CTTNBP2: variants seen among roughly 807,000 people sequenced by gnomAD.
CTTNBP2 encodes cortactin-binding protein 2.
CTTNBP2 carries 108 observed loss-of-function variants against 156.9 expected under a neutral mutation model. The ratio of observed to expected loss-of-function variants is 0.69; its 90% CI spans 0.59 to 0.81. The LOEUF is 0.81. CTTNBP2 is among the 30% of genes least tolerant of loss of function. The pLI, the probability that CTTNBP2 is intolerant of heterozygous loss-of-function variation, is 0.00. For synonymous variants in CTTNBP2, 767 were observed against 751.8 expected, an observed-to-expected ratio of 1.02 and a Z score of -0.33; for missense variants, 1,924 against 2,035.4, an observed-to-expected ratio of 0.95 and a Z score of 1.05.
At chr7:117,801,739 G>A (rs1378784551) in intron 3 of CTTNBP2, among the ~76,000 whole-genome samples, 1 of 152,060 alleles carries the variant, frequency 6.6e-6, no homozygotes, top group Non-Finnish European at 1.5e-5. Context: ...GTGCGCTCAC[G>A]CATGTATGTG....
rs984496172 is a variant in CTTNBP2 at position 117,711,430 on chromosome 7, T to C, written c.*107A>G. 4 of 1,273,518 alleles carry C rather than the reference T, an allele frequency of 3.1e-6. No homozygotes were observed. The highest frequency in any genetic ancestry group is 4.3e-6 in the Non-Finnish European group (4 of 923,996). The allele number at this position is 1,273,518 out of a possible 1,614,324, so 78.9% of individuals were successfully genotyped here. ...GAATAGTGGTCCCGCACTCATAATT[T>C]ATATTACAGTGAAAACATTTTATCA... On this transcript the variant is annotated 3_prime_UTR_variant, in exon 23 of 23. Coordinates refer to ENST00000160373, the MANE Select transcript of CTTNBP2 (RefSeq NM_033427.3).
At chr7:117,824,386 T>C (rs1383841776) in intron 2 of CTTNBP2, among the ~76,000 whole-genome samples, 1 of 152,232 alleles carries the variant, frequency 6.6e-6, no homozygotes, top group African/African-American at 2.4e-5. Context: ...ATCTCCATTC[T>C]GTATCTTGCA....
intron 14 of CTTNBP2, among the ~76,000 whole-genome samples, chr7:117,739,210 T>C (rs1795864027): frequency 6.6e-6 from 1 of 152,206 alleles, no homozygotes; most frequent in African/African-American, 2.4e-5. Context: ...GTTCAGGTTA[T>C]TCTGCGTAGT....
chr7:117,745,136 T>C (rs1472614966), intron 14 of CTTNBP2, among the ~76,000 whole-genome samples: 1 of 152,214 alleles, frequency 6.6e-6, no homozygotes, highest in Non-Finnish European at 1.5e-5. Context: ...CGTGGGGTAT[T>C]AGACCCTGGA....
At chr7:117,852,219 C>T (rs1423383931) in intron 2 of CTTNBP2, among the ~76,000 whole-genome samples, 5 of 151,350 alleles carry the variant, frequency 3.3e-5, no homozygotes, top group African/African-American at 9.7e-5. Context: ...ATCCATACAA[C>T]AGCCTTTCAT....
chr7:117,843,588 A>G (rs1355667225), intron 2 of CTTNBP2, among the ~76,000 whole-genome samples: 4 of 152,224 alleles, frequency 2.6e-5, no homozygotes, highest in African/African-American at 9.6e-5. Context: ...GAAGCAATTC[A>G]GAAACATAAG....
rs575905318 is a variant in CTTNBP2 at position 117,870,159 on chromosome 7, A to G, written c.81+3176T>C. 2.0e-5 allele frequency among the ~76,000 whole-genome samples: 3 copies of G among 152,246 alleles called. No homozygotes were observed. In the East Asian group the frequency reaches 5.8e-4, roughly 29 times the overall value. Reference sequence around the variant, plus strand: ...TGCCTCTCATGACACCATCATCCCCAATTTGATTCCTTGGCGTATGTCAGT... The same window carrying G: ...TGCCTCTCATGACACCATCATCCCCGATTTGATTCCTTGGCGTATGTCAGT... On this transcript the variant is annotated intron_variant, in intron 1 of 22. Coordinates refer to ENST00000160373, the MANE Select transcript of CTTNBP2 (RefSeq NM_033427.3).
intron 18 of CTTNBP2, 50 bp from the exon 19 acceptor site, chr7:117,724,782 G>T: frequency 6.3e-7 from 1 of 1,576,160 alleles, no homozygotes; most frequent in Non-Finnish European, 8.7e-7. Context: ...ACTGATTAAA[G>T]CAAAATACAT....
At chr7:117,778,331 G>C (rs1197470083) in intron 7 of CTTNBP2, among the ~76,000 whole-genome samples, 1 of 152,134 alleles carries the variant, frequency 6.6e-6, no homozygotes, top group Non-Finnish European at 1.5e-5. Flanking sequence ...GGCCCCTATT[G>C]AGTGTTTTGT....
intron 2 of CTTNBP2, among the ~76,000 whole-genome samples, chr7:117,851,034 C>G (rs1421246554): frequency 1.3e-5 from 2 of 152,122 alleles, no homozygotes; most frequent in Admixed American, 1.3e-4. Flanking sequence ...ACACAATGTC[C>G]TTAAAAAACA....
At position 117,782,981 on chromosome 7, in the gene CTTNBP2, G is replaced by A; in HGVS notation, c.2273-20C>T. 1.3e-6 allele frequency: 2 copies of A among 1,578,612 alleles called. No individual in the cohort carries two copies. The highest frequency in any genetic ancestry group is 1.4e-5 in the African/African-American group (1 of 73,966). ...CACAGTCTATGGATTTTAATAGAAA[G>A]CCATGTAAATTCCCCATTTGGAGTT... On this transcript the variant is annotated intron_variant, in intron 5 of 22. Coordinates refer to ENST00000160373, the MANE Select transcript of CTTNBP2 (RefSeq NM_033427.3).
chr7:117,841,257 T>C (rs1039641876), intron 2 of CTTNBP2, among the ~76,000 whole-genome samples: 3 of 152,178 alleles, frequency 2.0e-5, no homozygotes, highest in African/African-American at 7.2e-5. Context: ...TTGTAGCCTC[T>C]GGAAAGCTCC....
At chr7:117,722,206 A>C (rs995958745) in intron 19 of CTTNBP2, among the ~76,000 whole-genome samples, 5 of 151,628 alleles carry the variant, frequency 3.3e-5, no homozygotes, top group African/African-American at 4.8e-5. Flanking sequence ...TCTCTTTATC[A>C]AATTTGATAA....
intron 2 of CTTNBP2, among the ~76,000 whole-genome samples, chr7:117,834,923 T>C (rs947769598): frequency 1.3e-5 from 2 of 152,250 alleles, no homozygotes; most frequent in African/African-American, 4.8e-5. Flanking sequence ...CTTCAAAAGC[T>C]ACACAGGAAA....
chr7:117,777,834 G>C, intron 7 of CTTNBP2, 69 bp from the exon 8 acceptor site: 2 of 1,454,304 alleles, frequency 1.4e-6, no homozygotes, highest in Non-Finnish European at 1.9e-6. Flanking sequence ...ATTATTGAAA[G>C]TTCACTTCTA....
At chr7:117,770,505 A>T (rs771695304) in intron 8 of CTTNBP2, among the ~76,000 whole-genome samples, 2 of 152,234 alleles carry the variant, frequency 1.3e-5, no homozygotes, top group African/African-American at 2.4e-5. Context: ...ATTTGAGCAC[A>T]TACTAAGTTC....
intron 2 of CTTNBP2, among the ~76,000 whole-genome samples, chr7:117,824,119 A>AG (rs1196992678): frequency 3.3e-5 from 5 of 151,682 alleles, no homozygotes; most frequent in African/African-American, 9.7e-5. Flanking sequence ...CCTGAATTCA[A>AG]GAGTATGCAA....
chr7:117,767,846 C>A (rs189126084), intron 8 of CTTNBP2, among the ~76,000 whole-genome samples: 1 of 152,168 alleles, frequency 6.6e-6, no homozygotes. Context: ...AAGTCTTAGT[C>A]CTCCATATTT....
chr7:117,770,018 T>C (rs1465795646), intron 8 of CTTNBP2, among the ~76,000 whole-genome samples: 3 of 152,234 alleles, frequency 2.0e-5, no homozygotes, highest in Non-Finnish European at 1.5e-5. Context: ...AGTTCTTATA[T>C]TCTTGGCCTG....
Sources: allele counts gnomAD v4.1 joint callset (sites outside exome capture counted in the v4.1 genomes callset), GRCh38; gene constraint gnomAD v4.1.1; transcripts MANE v1.5; gene names NCBI Gene and HGNC (gene_info 2026-07-23, HGNC 2026-07-21).